The following STRBP variants were observed in gnomAD, a reference collection of about 807,000 sequenced individuals.
STRBP encodes the protein spermatid perinuclear RNA-binding protein.
STRBP carries 13 observed loss-of-function variants against 80.1 expected under a neutral mutation model. The ratio of observed to expected loss-of-function variants is 0.16; its 90% confidence interval spans 0.11 to 0.26. The LOEUF (loss-of-function observed/expected upper bound fraction) is 0.26. Among genes scored for constraint, STRBP ranks in the 10% least tolerant of loss-of-function variants. The pLI is 1.00. For missense variants in STRBP, 485 were observed against 815.2 expected (o/e 0.59, Z 4.93); for synonymous variants, 284 against 291.2 (o/e 0.98, Z 0.25).
chr9:123,235,888 C>T (rs2040547880), intron 2 of STRBP, among the ~76,000 whole-genome samples: 1 of 152,114 alleles, frequency 6.6e-6, no homozygotes. Context: ...GAGTTTGCTA[C>T]CTGTTCTATT....
intron 2 of STRBP, among the ~76,000 whole-genome samples, chr9:123,190,905 C>T (rs1405089035): frequency 6.6e-6 from 1 of 152,162 alleles, no homozygotes; most frequent in Non-Finnish European, 1.5e-5. Context: ...CAACATTCAG[C>T]CAGACAGATG....
At chr9:123,181,141 C>T (rs956530418) in intron 3 of STRBP, among the ~76,000 whole-genome samples, 1 of 152,184 alleles carries the variant, frequency 6.6e-6, no homozygotes, top group Non-Finnish European at 1.5e-5. Context: ...TTCTTTTTCT[C>T]AATAAAAATC....
intron 2 of STRBP, among the ~76,000 whole-genome samples, chr9:123,198,144 ATTTTTT>A (rs991883837): frequency 4.0e-5 from 6 of 150,518 alleles, no homozygotes; most frequent in African/African-American, 7.3e-5. Flanking sequence ...CCTACTTTTT[ATTTTTT>A]ATTTTTTTGA....
intron 2 of STRBP, among the ~76,000 whole-genome samples, chr9:123,229,682 A>G (rs867271793): frequency 6.6e-6 from 1 of 152,190 alleles, no homozygotes; most frequent in Non-Finnish European, 1.5e-5. Flanking sequence ...GGTGAGAGGA[A>G]TGAGGGCAGA....
In STRBP at chr9:123,142,278, A is replaced by T. The variant is rs1157057676; in HGVS notation, c.1339-2591T>A. Among the ~76,000 whole-genome samples, 5 of 152,168 alleles carry T rather than the reference A, an allele frequency of 3.3e-5. No individual in the cohort carries two copies. The East Asian group carries it at 9.6e-4, about 29-fold the overall frequency. On this transcript the variant is annotated intron_variant, in intron 13 of 18. Coordinates refer to ENST00000348403, the MANE Select transcript of STRBP (RefSeq NM_018387.5). Reference sequence around the variant, plus strand: ...AGTTCTCAAGAGATCTGGTTGTTTAAAAGTATGTGGCACTTCCTCGCCCTT... The same window carrying T: ...AGTTCTCAAGAGATCTGGTTGTTTATAAGTATGTGGCACTTCCTCGCCCTT...
intron 1 of STRBP, among the ~76,000 whole-genome samples, chr9:123,248,392 T>G (rs1164682877): frequency 6.7e-6 from 1 of 150,192 alleles, no homozygotes; most frequent in African/African-American, 2.5e-5. Context: ...CTCAGGCTCC[T>G]GAGTAGCTGG....
intron 2 of STRBP, among the ~76,000 whole-genome samples, chr9:123,233,997 G>A (rs142792606): frequency 0.012 from 1,823 of 152,104 alleles, 39 homozygotes; most frequent in African/African-American, 0.042. Context: ...TCAGGAGATT[G>A]AGACCATCCT....
chr9:123,226,633 C>T lies in STRBP; in HGVS notation c.-165+10197G>A, dbSNP rs2040244537. On this transcript the variant is annotated intron_variant, in intron 2 of 18. Transcript: ENST00000348403. ...CCCCCACCTCTGCCATACAGCCATC[C>T]ATTTACTTATTCCACAAATATATCT... 2.0e-5 allele frequency among the ~76,000 whole-genome samples: 3 copies of T among 152,154 alleles called. No homozygotes were observed. In the South Asian group the frequency reaches 6.2e-4, roughly 31 times the overall value.
chr9:123,211,384 AG>A (rs1459735872), intron 2 of STRBP, among the ~76,000 whole-genome samples: 3 of 152,298 alleles, frequency 2.0e-5, no homozygotes, highest in Non-Finnish European at 4.4e-5. Flanking sequence ...AAACAGAAAG[AG>A]GGTGAATACA....
At chr9:123,253,324 G>A (rs989086933) in intron 1 of STRBP, among the ~76,000 whole-genome samples, 3 of 152,128 alleles carry the variant, frequency 2.0e-5, no homozygotes, top group African/African-American at 7.2e-5. Context: ...TTCCTCCTGT[G>A]CATACAAATC....
chr9:123,213,986 G>T (rs1263938337), intron 2 of STRBP: 1 of 151,392 alleles, frequency 6.6e-6, no homozygotes, highest in East Asian at 1.9e-4. Flanking sequence ...TCGTACTACT[G>T]GGTATCAACC....
intron 2 of STRBP, among the ~76,000 whole-genome samples, chr9:123,223,037 CAGAT>C (rs1470940146): frequency 3.4e-5 from 5 of 145,584 alleles, no homozygotes; most frequent in African/African-American, 7.6e-5. Flanking sequence ...GAAGGAAGCT[CAGAT>C]AGATAGATGA....
chr9:123,133,978 C>A (rs143733179), intron 16 of STRBP, among the ~76,000 whole-genome samples: 1 of 151,770 alleles, frequency 6.6e-6, no homozygotes, highest in South Asian at 2.1e-4. Flanking sequence ...AAACAGTAAC[C>A]GAGAATTATA....
chr9:123,192,430 C>T (rs756237478), intron 2 of STRBP, among the ~76,000 whole-genome samples: 13 of 152,080 alleles, frequency 8.5e-5, no homozygotes, highest in Non-Finnish European at 1.5e-4. Context: ...ACAAAGGAGG[C>T]AAGATGTCTA....
rs1369096388 is a variant in STRBP, at chr9:123,154,334, AAAGATTAAACTTAGGACCCAT to A, written c.1045+3657_1045+3677del. The stretch of plus-strand genomic sequence containing the variant: ...GCTGAACAGAAAGAAGCCAGTCACG[AAAGATTAAACTTAGGACCCAT>A]TTCTGGAAAGTTCCAGGCAAACTCA... On this transcript the variant is annotated intron_variant, in intron 11 of 18. Transcript: ENST00000348403. Among the ~76,000 whole-genome samples, 6 of 152,346 alleles carry A rather than the reference AAAGATTAAACTTAGGACCCAT, an allele frequency of 3.9e-5. No homozygotes were observed. The East Asian group carries it at 1.2e-3, about 29-fold the overall frequency.
intron 2 of STRBP, among the ~76,000 whole-genome samples, chr9:123,210,593 G>T (rs2039673741): frequency 6.6e-6 from 1 of 152,158 alleles, no homozygotes; most frequent in Non-Finnish European, 1.5e-5. Context: ...AGCACTTTGG[G>T]AGGCTGAGGT....
intron 2 of STRBP, among the ~76,000 whole-genome samples, chr9:123,226,526 A>G (rs1030920619): frequency 6.6e-6 from 1 of 152,222 alleles, no homozygotes; most frequent in African/African-American, 2.4e-5. Flanking sequence ...CACAGAAAAG[A>G]GAAGATTGGG....
chr9:123,206,839 T>C (rs943258162), intron 2 of STRBP, among the ~76,000 whole-genome samples: 1 of 152,156 alleles, frequency 6.6e-6, no homozygotes, highest in Admixed American at 6.5e-5. Context: ...GGTTTCGCCA[T>C]GTTGGTCAGG....
chr9:123,238,344 A>G (rs1014249052), intron 1 of STRBP, among the ~76,000 whole-genome samples: 2 of 152,366 alleles, frequency 1.3e-5, no homozygotes, highest in African/African-American at 2.4e-5. Context: ...TCACGTATCA[A>G]TAAGGCTAGC....
Sources: allele counts gnomAD v4.1 joint callset (sites outside exome capture counted in the v4.1 genomes callset), GRCh38; gene constraint gnomAD v4.1.1; transcripts MANE v1.5; gene names NCBI Gene and HGNC (gene_info 2026-07-23, HGNC 2026-07-21).